The following USF2 variants were observed in gnomAD, a reference collection of about 807,000 sequenced individuals.
USF2 encodes the protein upstream transcription factor 2, c-fos interacting.
USF2 carries 16 observed loss-of-function variants against 46.9 expected under a neutral mutation model. The ratio of observed to expected loss-of-function variants is 0.34; its 90% CI spans 0.23 to 0.52. The LOEUF is 0.52. Ranked by LOEUF, USF2 falls within the 20% of genes least tolerant of loss-of-function variation. The pLI is 0.96. For synonymous variants in USF2, 239 were observed against 194.1 expected (o/e 1.23, Z -1.92); for missense variants, 411 against 474.0 (o/e 0.87, Z 1.23).
rs1213737140 is a variant in USF2, at chr19:35,269,027, G to GCCCCCT, written c.-70_-65dup. The stretch of plus-strand genomic sequence containing the variant: ...GGGCTCGGGGCCCCCCCGGCCGCCC[G>GCCCCCT]CCCCCTCCCCTCCCTCCCTCCCCTC... On this transcript the variant is annotated 5_prime_UTR_variant, in exon 1 of 10. Transcript: ENST00000222305. 3 of 13,044 alleles carry GCCCCCT rather than the reference G, an allele frequency of 2.3e-4. No individual in the cohort carries two copies. The highest frequency in any genetic ancestry group is 3.8e-4 in the African/African-American group (1 of 2,602). 0.8% of individuals were successfully genotyped at this position (13,044 alleles called of 1,614,324 possible). A position where few individuals can be genotyped will look rare whatever the true frequency, so the allele number is the denominator to read the frequency against.
At chr19:35,270,891 AG>A in intron 6 of USF2, 86 bp downstream of exon 6, 2 of 1,533,140 alleles carry the variant, frequency 1.3e-6, no homozygotes, top group Non-Finnish European at 1.8e-6. Flanking sequence ...GTTAGCATGA[AG>A]TGGGCACATG....
chr19:35,275,796 G>T (rs1032725066), intron 7 of USF2: 2 of 152,150 alleles, frequency 1.3e-5, no homozygotes, highest in African/African-American at 2.4e-5. Flanking sequence ...CTTGAAATTC[G>T]ATGAGACTTA....
rs369741406 is a variant in USF2, at chr19:35,279,716, T to G, written c.*460T>G. ...CTGGGTCCCTGCTCCCCTTTGGGGG[T>G]GTGTGTGTGTGTTTTAATTTTCTTT... On this transcript the variant is annotated 3_prime_UTR_variant, in exon 10 of 10. Coordinates refer to ENST00000222305, the MANE Select transcript of USF2 (RefSeq NM_003367.4). The G allele has an allele frequency of 2.7e-4, 46 of 170,584 alleles. No homozygotes were observed. Among genetic ancestry groups the G allele is most frequent in the East Asian group, 4.8e-4 (3 of 6,276 alleles). 10.6% of individuals were successfully genotyped at this position (170,584 alleles called of 1,614,324 possible).
At chr19:35,276,315 A>G (rs12974791) in intron 7 of USF2, among the ~76,000 whole-genome samples, 31,621 of 151,762 alleles carry the variant, frequency 0.21, 3,475 homozygotes, top group Middle Eastern at 0.24. Flanking sequence ...CATGTGATCC[A>G]CCCTCCCAAA....
intron 7 of USF2, among the ~76,000 whole-genome samples, chr19:35,276,679 C>T (rs565099398): frequency 6.6e-6 from 1 of 152,350 alleles, no homozygotes; most frequent in East Asian, 1.9e-4. Flanking sequence ...AGCTGCCTGC[C>T]TTAGAGTCTT....
At position 35,279,086 on chromosome 19, in the gene USF2, G is replaced by T. The variant is rs1405834717; in HGVS notation, c.951+12G>T. The T allele has an allele frequency of 5.0e-6, 8 of 1,612,176 alleles. No homozygotes were observed. In the South Asian group the frequency reaches 8.8e-5, roughly 18 times the overall value. ...TCCTGAGGCAGCAGGTGGGTGCGGG[G>T]CCTGGAGCGGGTCAGGGCCCAGGAG... On this transcript the variant is annotated intron_variant, in intron 9 of 9. Transcript: ENST00000222305.
chr19:35,270,024 G>C, intron 4 of USF2, 21 bp downstream of exon 4: 1 of 1,345,736 alleles, frequency 7.4e-7, no homozygotes, highest in African/African-American at 1.5e-5. Context: ...TGCCACCCCT[G>C]GGTGGGGGGG....
At chr19:35,270,047 G>A (rs2066127062) in intron 4 of USF2, 44 bp downstream of exon 4, 12 of 1,351,508 alleles carry the variant, frequency 8.9e-6, no homozygotes, top group Non-Finnish European at 1.0e-5. Context: ...AGGGAGTGGA[G>A]AGGGGACACT....
rs1406813731 is a variant in USF2 at position 35,270,706 on chromosome 19, C to G, written c.581-12C>G. ...ACCCTGCCTTGCCACTAACCCCCCACTCTCCCTGCAGGCCAGTTCTACGTC... is the reference window on the plus strand; with the variant it reads ...ACCCTGCCTTGCCACTAACCCCCCAGTCTCCCTGCAGGCCAGTTCTACGTC... On this transcript the variant is annotated splice_polypyrimidine_tract_variant and intron_variant, in intron 5 of 9. Transcript: ENST00000222305. 3 of 1,614,030 alleles carry G rather than the reference C, an allele frequency of 1.9e-6. No individual in the cohort carries two copies. The highest frequency in any genetic ancestry group is 2.5e-6 in the Non-Finnish European group (3 of 1,179,978).
intron 7 of USF2, among the ~76,000 whole-genome samples, chr19:35,272,907 T>C (rs2066177837): frequency 6.6e-6 from 1 of 151,830 alleles, no homozygotes; most frequent in Non-Finnish European, 1.5e-5. Flanking sequence ...TTACCTGTGG[T>C]GGGGCGTCAG....
intron 7 of USF2, among the ~76,000 whole-genome samples, chr19:35,274,621 A>G (rs982886329): frequency 6.6e-6 from 1 of 152,184 alleles, no homozygotes; most frequent in Non-Finnish European, 1.5e-5. Flanking sequence ...AGGCAATGTG[A>G]CAAAACCCTG....
intron 7 of USF2, chr19:35,278,463 T>G: frequency 2.0e-6 from 1 of 490,118 alleles, no homozygotes; most frequent in Non-Finnish European, 3.6e-6. Context: ...TGGCCTTTGA[T>G]GCCCGTCCTA....
In USF2 at chr19:35,273,266, G is replaced by A. The variant is rs548251706; in HGVS notation, c.727+2125G>A. 5.6e-4 allele frequency among the ~76,000 whole-genome samples: 85 copies of A among 152,166 alleles called. No homozygotes were observed. In the South Asian group the frequency reaches 0.013, roughly 23 times the overall value. On this transcript the variant is annotated intron_variant, in intron 7 of 9. Coordinates refer to ENST00000222305, the MANE Select transcript of USF2 (RefSeq NM_003367.4). Reference sequence around the variant, plus strand: ...GCTCTACCAAAACAGCTCCACTTCCGGTCACCCGTGGTGACCCCATTGCCA... The same window carrying A: ...GCTCTACCAAAACAGCTCCACTTCCAGTCACCCGTGGTGACCCCATTGCCA...
chr19:35,271,636 G>A (rs2066158520), intron 7 of USF2, among the ~76,000 whole-genome samples: 1 of 152,218 alleles, frequency 6.6e-6, no homozygotes, highest in South Asian at 2.1e-4. Flanking sequence ...GCCCTTTCCA[G>A]AAACACCAGG....
In USF2 at chr19:35,269,709, G is replaced by C; in HGVS notation, c.228+10G>C. On this transcript the variant is annotated intron_variant, in intron 3 of 9. Transcript: ENST00000222305. ...GACAAATGGAGGACAGGTGAGCGGC[G>C]GGCCGCGAGGGCGAACGGGCGGGCG... The C allele has an allele frequency of 6.9e-7, 1 of 1,442,286 alleles. No homozygotes were observed. The allele number at this position is 1,442,286 out of a possible 1,614,324, so 89.3% of individuals were successfully genotyped here.
chr19:35,278,795 G>C lies in USF2; in HGVS notation c.822+3G>C, dbSNP rs775157529. The C allele has an allele frequency of 6.2e-7, 1 of 1,613,954 alleles. No homozygotes were observed. Among genetic ancestry groups the C allele is most frequent in the East Asian group, 2.2e-5 (1 of 44,854 alleles). On this transcript the variant is annotated splice_donor_region_variant and intron_variant, in intron 8 of 9. Coordinates refer to ENST00000222305, the MANE Select transcript of USF2 (RefSeq NM_003367.4). ...CAGACAACAGCAAGACGGGAGCGGTGAGCACCCCGGACCCTCAGTGTCTGC... is the reference window on the plus strand; with the variant it reads ...CAGACAACAGCAAGACGGGAGCGGTCAGCACCCCGGACCCTCAGTGTCTGC...
chr19:35,270,922 T>G, intron 6 of USF2, 117 bp downstream of exon 6: 1 of 1,436,742 alleles, frequency 7.0e-7, no homozygotes, highest in South Asian at 1.2e-5. Context: ...TTTTTTTCTT[T>G]GCCTGTTTCT....
Position 35,270,194 on chromosome 19 carries a change from T to C in USF2, c.429+191T>C, listed in dbSNP as rs879231084. Reference sequence around the variant, plus strand: ...GGACAGTGCTCTTGGAATTTTTTTTTCCCGCAAAATGGGAATGATGTGTCT... The same window carrying C: ...GGACAGTGCTCTTGGAATTTTTTTTCCCCGCAAAATGGGAATGATGTGTCT... On this transcript the variant is annotated intron_variant, in intron 4 of 9. Transcript: ENST00000222305. The C allele has an allele frequency of 6.6e-5, 59 of 900,760 alleles. No homozygotes were observed. The African/African-American group carries it at 8.4e-4, about 13-fold the overall frequency. 55.8% of individuals were successfully genotyped at this position (900,760 alleles called of 1,614,324 possible). A position where few individuals can be genotyped will look rare whatever the true frequency, so the allele number is the denominator to read the frequency against.
chr19:35,271,645 G>A (rs35250673), intron 7 of USF2, among the ~76,000 whole-genome samples: 25,945 of 152,236 alleles, frequency 0.17, 2,592 homozygotes, highest in Middle Eastern at 0.22. Context: ...AGAAACACCA[G>A]GTCTCACCTC....
Sources: gnomAD v4.1 joint callset for allele counts (sites outside exome capture counted in the v4.1 genomes callset) on GRCh38, gnomAD v4.1.1 for gene constraint, MANE v1.5 for transcripts, NCBI Gene and HGNC (gene_info 2026-07-23, HGNC 2026-07-21) for gene names.